The following PPP6R2 variants were observed in gnomAD, a reference collection of about 807,000 sequenced individuals.
PPP6R2 encodes the protein protein phosphatase 6 regulatory subunit 2.
Under a neutral mutation model 100.2 loss-of-function variants are expected in PPP6R2, and 62 were observed. That is an observed-to-expected ratio of 0.62 (90% CI 0.50 to 0.76). The LOEUF (loss-of-function observed/expected upper bound fraction) is 0.76, where lower values mean the gene tolerates loss of function less well. Ranked by LOEUF, PPP6R2 falls within the 30% of genes least tolerant of loss-of-function variation. The probability of loss-of-function intolerance (pLI) is 0.00; values close to 1 mark genes in which losing one functional copy is unlikely to be tolerated. For synonymous variants in PPP6R2, 525 were observed against 514.7 expected (o/e 1.02, Z -0.27); for missense variants, 1,142 against 1,276.3 (o/e 0.89, Z 1.60).
intron 3 of PPP6R2, among the ~76,000 whole-genome samples, chr22:50,398,515 CT>C (rs539664240): frequency 0.011 from 1,316 of 123,964 alleles, 5 homozygotes; most frequent in Middle Eastern, 0.031. Flanking sequence ...CATATTAAGA[CT>C]TTTTTTTTTT....
chr22:50,443,551 T>A, intron 22 of PPP6R2: 2 of 370,628 alleles, frequency 5.4e-6, no homozygotes, highest in South Asian at 1.0e-4. Context: ...AGGCTGAAGT[T>A]GAGATCATAG....
chr22:50,410,641 C>CA (rs1450065795), intron 4 of PPP6R2, among the ~76,000 whole-genome samples: 1 of 146,084 alleles, frequency 6.8e-6, no homozygotes, highest in South Asian at 2.2e-4. Flanking sequence ...ATTCTGTCTC[C>CA]AAAAAAAAGA....
At chr22:50,437,929 G>A (rs1301678455) in intron 17 of PPP6R2, 29 bp downstream of exon 17, 5 of 1,562,616 alleles carry the variant, frequency 3.2e-6, no homozygotes, top group East Asian at 2.4e-5. Flanking sequence ...GTGGGGTGCC[G>A]CCACCCTTTT....
At chr22:50,356,587 GAGT>G (rs1236301490) in intron 1 of PPP6R2, among the ~76,000 whole-genome samples, 1 of 152,070 alleles carries the variant, frequency 6.6e-6, no homozygotes, top group Non-Finnish European at 1.5e-5. Flanking sequence ...GAGTAAACAG[GAGT>G]AGAAGTGCTG....
chr22:50,333,617 C>T, the PPP6R2 span, among the ~76,000 whole-genome samples: 1 of 152,232 alleles, frequency 6.6e-6, no homozygotes, highest in Non-Finnish European at 1.5e-5. Context: ...CAGTCATGAG[C>T]CACCGCGCCT....
intron 3 of PPP6R2, 48 bp downstream of exon 3, chr22:50,394,183 G>T: frequency 6.3e-7 from 1 of 1,598,430 alleles, no homozygotes; most frequent in Non-Finnish European, 8.6e-7. Flanking sequence ...AGTGCTGCAG[G>T]CAGGCCGCAG....
chr22:50,426,109 C>G (rs1052926573), intron 10 of PPP6R2, among the ~76,000 whole-genome samples: 4 of 152,098 alleles, frequency 2.6e-5, no homozygotes, highest in African/African-American at 9.7e-5. Context: ...TGCGCCACCA[C>G]ATCCAGCTAA....
chr22:50,387,132 C>G (rs998484463), intron 2 of PPP6R2, among the ~76,000 whole-genome samples: 3 of 152,178 alleles, frequency 2.0e-5, no homozygotes, highest in Non-Finnish European at 2.9e-5. Flanking sequence ...ACGATCATAG[C>G]TCAGGGCAGC....
chr22:50,356,145 T>C (rs1293092083), intron 1 of PPP6R2, among the ~76,000 whole-genome samples: 1 of 150,682 alleles, frequency 6.6e-6, no homozygotes, highest in African/African-American at 2.4e-5. Flanking sequence ...TCTATTTTTT[T>C]AGTAGAGACG....
chr22:50,367,822 TAGA>T (rs1386789119), intron 1 of PPP6R2, among the ~76,000 whole-genome samples: 2 of 152,144 alleles, frequency 1.3e-5, no homozygotes, highest in South Asian at 4.2e-4. Context: ...AGCAAAGAGA[TAGA>T]AGAAAAGACA....
At chr22:50,396,366 G>GGA (rs1486972165) in intron 3 of PPP6R2, among the ~76,000 whole-genome samples, 1 of 151,482 alleles carries the variant, frequency 6.6e-6, no homozygotes, top group Non-Finnish European at 1.5e-5. Context: ...GTGGTGGCAT[G>GGA]TGCCTATAAT....
intron 2 of PPP6R2, among the ~76,000 whole-genome samples, chr22:50,381,455 C>T (rs2053001693): frequency 6.8e-6 from 1 of 147,240 alleles, no homozygotes; most frequent in Non-Finnish European, 1.5e-5. Context: ...ACCTCAGCAC[C>T]ACACGGGCCC....
Position 50,438,207 on chromosome 22 carries a change from G to T in PPP6R2, c.1873G>T (p.Asp625Tyr). Residue 625 changes from aspartate to tyrosine, a missense_variant, in exon 18 of 24, where the codon GAC becomes TAC. By Grantham distance (160) the Asp-to-Tyr change is radical. This residue lies in a region of PPP6R2 where 550 missense variants were observed against 517.4 expected (regional missense o/e 1.06). Transcript: ENST00000612753. ...AGCTCTGTTTGAGGCCTGCTGCAGTGACCGCATCCAGCCCTTTGATGATGA... is the reference window on the plus strand; with the variant it reads ...AGCTCTGTTTGAGGCCTGCTGCAGTTACCGCATCCAGCCCTTTGATGATGA... The part of the protein sequence containing the change: ...SAALFEACCS[D>Y]RIQPFDDDED... The T allele has an allele frequency of 1.9e-6, 3 of 1,613,836 alleles. No individual in the cohort carries two copies. The South Asian group carries it at 3.3e-5, about 18-fold the overall frequency.
chr22:50,341,493 C>T (rs191957078), upstream of PPP6R2, among the ~76,000 whole-genome samples: 29 of 152,292 alleles, frequency 1.9e-4, 1 homozygote, highest in Non-Finnish European at 3.4e-4. Flanking sequence ...TGTGAGCCAC[C>T]GTGCCCAGGC....
At chr22:50,401,351 C>T (rs997794752) in intron 3 of PPP6R2, among the ~76,000 whole-genome samples, 2 of 149,018 alleles carry the variant, frequency 1.3e-5, no homozygotes, top group South Asian at 2.1e-4. Context: ...GAACTACAGA[C>T]GCCCACCACC....
intron 15 of PPP6R2, 26 bp from the exon 16 acceptor site, chr22:50,437,480 T>G (rs750127934): frequency 1.4e-6 from 1 of 728,386 alleles, no homozygotes; most frequent in East Asian, 2.5e-5. Context: ...TGTCTGTCCG[T>G]CCCTCCCTCC....
the PPP6R2 span, among the ~76,000 whole-genome samples, chr22:50,334,676 C>A: frequency 6.6e-6 from 1 of 152,060 alleles, no homozygotes; most frequent in Non-Finnish European, 1.5e-5. Flanking sequence ...AACAAAAACA[C>A]CTGCTGAAGC....
intron 3 of PPP6R2, among the ~76,000 whole-genome samples, chr22:50,403,695 T>A (rs1201745646): frequency 6.6e-6 from 1 of 152,098 alleles, no homozygotes; most frequent in Non-Finnish European, 1.5e-5. Flanking sequence ...AGCCAGGTCC[T>A]CTCTCCCAAA....
chr22:50,382,868 C>T (rs2053424800), intron 2 of PPP6R2, among the ~76,000 whole-genome samples: 1 of 146,456 alleles, frequency 6.8e-6, no homozygotes, highest in Admixed American at 7.0e-5. Flanking sequence ...GATAGGGTCT[C>T]ACTCTGTCAC....
Sources: allele counts gnomAD v4.1 joint callset (sites outside exome capture counted in the v4.1 genomes callset), GRCh38; gene constraint gnomAD v4.1.1; regional missense constraint gnomAD v4.1.1; transcripts MANE v1.5; gene names NCBI Gene and HGNC (gene_info 2026-07-23, HGNC 2026-07-21).